The following GRK1 variants were observed in gnomAD, a reference collection of about 807,000 sequenced individuals.
GRK1 encodes rhodopsin kinase GRK1.
GRK1 carries 28 observed loss-of-function variants against 41.7 expected under a neutral mutation model. That is an observed-to-expected ratio of 0.67 (90% confidence interval 0.50 to 0.92). The LOEUF is 0.92. Ranked by LOEUF, GRK1 falls within the 40% of genes least tolerant of loss-of-function variation. The pLI is 0.00. For synonymous variants in GRK1, 327 were observed against 286.7 expected, an observed-to-expected ratio of 1.14 and a Z score of -1.42; for missense variants, 703 against 671.2, an observed-to-expected ratio of 1.05 and a Z score of -0.52.
the GRK1 span, among the ~76,000 whole-genome samples, chr13:113,657,774 G>A: frequency 6.6e-6 from 1 of 152,228 alleles, no homozygotes; most frequent in African/African-American, 2.4e-5. Context: ...GCTGACATTT[G>A]GGGCCAGTCT....
upstream of GRK1, among the ~76,000 whole-genome samples, chr13:113,666,295 G>A (rs1177609970): frequency 6.7e-6 from 1 of 149,088 alleles, no homozygotes; most frequent in African/African-American, 2.5e-5. Flanking sequence ...GTGTGTTCCA[G>A]GTGTTCCCCA....
the GRK1 span, chr13:113,650,352 G>A: frequency 5.2e-6 from 8 of 1,526,646 alleles, no homozygotes; most frequent in Admixed American, 1.3e-4. This position sits in a 1 kb window ranked among gnomAD's most constrained non-coding sequence, Gnocchi z 5.0. Flanking sequence ...CTTTCGCTAA[G>A]TGTGAGAGGA....
At position 113,671,473 on chromosome 13, in the gene GRK1, C is replaced by A; in HGVS notation, c.828-26C>A. ...TTTACTCCCCATTAAACCCGGGGTGCATGGTTCCCACGTGTCTTCCCCCAG... is the reference window on the plus strand; with the variant it reads ...TTTACTCCCCATTAAACCCGGGGTGAATGGTTCCCACGTGTCTTCCCCCAG... On this transcript the variant is annotated intron_variant, in intron 2 of 6. Transcript: ENST00000335678. This position sits in a 1 kb window ranked among gnomAD's most constrained non-coding sequence, Gnocchi z 4.1. The A allele has an allele frequency of 1.3e-6, 1 of 777,820 alleles. No individual in the cohort carries two copies. The highest frequency in any genetic ancestry group is 2.4e-6 in the Non-Finnish European group (1 of 417,900). The allele number at this position is 777,820 out of a possible 1,614,324, so 48.2% of individuals were successfully genotyped here. A position where few individuals can be genotyped will look rare whatever the true frequency, so the allele number is the denominator to read the frequency against.
upstream of GRK1, among the ~76,000 whole-genome samples, chr13:113,664,929 G>A (rs577283706): frequency 1.1e-4 from 17 of 152,342 alleles, no homozygotes; most frequent in African/African-American, 3.8e-4. This position sits in a 1 kb window ranked among gnomAD's most constrained non-coding sequence, Gnocchi z 5.4. Flanking sequence ...GGCTGGGCCC[G>A]TGCAGGGCTC....
chr13:113,659,290 G>A, the GRK1 span, among the ~76,000 whole-genome samples: 3 of 152,236 alleles, frequency 2.0e-5, no homozygotes, highest in Non-Finnish European at 4.4e-5. Context: ...AGGTTGATGG[G>A]AATGCAGGGC....
chr13:113,658,040 G>T, the GRK1 span: 1 of 1,601,384 alleles, frequency 6.2e-7, no homozygotes, highest in South Asian at 1.1e-5. Flanking sequence ...TACCCCACCG[G>T]GACAGGGTGC....
chr13:113,650,134 G>T, the GRK1 span, among the ~76,000 whole-genome samples: 7 of 151,084 alleles, frequency 4.6e-5, no homozygotes. The surrounding 1 kb of genome is among the most constrained non-coding windows in gnomAD (Gnocchi z 5.0). Flanking sequence ...TTGCATTGCT[G>T]CAATCCACCC....
chr13:113,672,312 C>T (rs903966668), intron 3 of GRK1, among the ~76,000 whole-genome samples: 5 of 103,590 alleles, frequency 4.8e-5, no homozygotes, highest in African/African-American at 1.5e-4. Flanking sequence ...GCTGGGGCCT[C>T]GTGGTCACTT....
At chr13:113,657,166 G>A in the GRK1 span, among the ~76,000 whole-genome samples, 24 of 152,162 alleles carry the variant, frequency 1.6e-4, no homozygotes, top group Non-Finnish European at 3.2e-4. Context: ...ACACACAGGT[G>A]GGGCGGGCCT....
upstream of GRK1, among the ~76,000 whole-genome samples, chr13:113,663,755 C>G (rs996690807): frequency 2.0e-5 from 3 of 152,182 alleles, no homozygotes; most frequent in Non-Finnish European, 4.4e-5. Context: ...AGGGAATACT[C>G]CACACCTACC....
rs2049858497 is a variant in GRK1 at position 113,671,640 on chromosome 13, G to A, written c.969G>A (p.Val323=). The part of the protein sequence containing the change: ...IVYRDLKPEN[V]LLDNDGNVRI... ...ACCGCGACCTCAAGCCCGAGAACGT[G>A]CTGCTGGACAATGACGGTAGGAGGT... Residue 323 remains valine (V), a synonymous_variant, in exon 3 of 7, where the codon GTG becomes GTA. Transcript: ENST00000335678. This position sits in a 1 kb window ranked among gnomAD's most constrained non-coding sequence, Gnocchi z 4.1. 2.6e-6 allele frequency: 2 copies of A among 765,694 alleles called. No homozygotes were observed. Among genetic ancestry groups the A allele is most frequent in the Admixed American group, 3.4e-5 (2 of 58,386 alleles). 47.4% of individuals were successfully genotyped at this position (765,694 alleles called of 1,614,324 possible).
rs1332710381 is a variant in GRK1, at chr13:113,731,648, C to T, written c.1194+305C>T. Among the ~76,000 whole-genome samples the T allele has an allele frequency of 1.3e-5, 2 of 152,188 alleles. No homozygotes were observed. The highest frequency in any genetic ancestry group is 2.9e-5 in the Non-Finnish European group (2 of 68,034). On this transcript the variant is annotated intron_variant, in intron 5 of 6. Transcript: ENST00000335678. The surrounding 1 kb of genome is among the most constrained non-coding windows in gnomAD (Gnocchi z 5.6). ...CACGCCACCACTCAGCCTCTGAGGG[C>T]CCTGTGGGGGCCGGTCCCTCTGGTG...
the GRK1 span, among the ~76,000 whole-genome samples, chr13:113,659,925 T>C: frequency 2.0e-5 from 3 of 152,208 alleles, no homozygotes; most frequent in Non-Finnish European, 4.4e-5. Flanking sequence ...GTGAAGGGTA[T>C]AGATGCTCTT....
the GRK1 span, chr13:113,653,416 T>G: frequency 6.2e-7 from 1 of 1,614,232 alleles, no homozygotes; most frequent in Non-Finnish European, 8.5e-7. Flanking sequence ...CCCGTAAACA[T>G]CCGGCCTTAA....
chr13:113,661,716 CTACA>C, the GRK1 span, among the ~76,000 whole-genome samples: 8 of 152,166 alleles, frequency 5.3e-5, no homozygotes, highest in Admixed American at 3.3e-4. Flanking sequence ...TTGCGCAATT[CTACA>C]TACATAAACT....
chr13:113,664,620 C>T (rs915969743), upstream of GRK1, among the ~76,000 whole-genome samples: 10 of 152,298 alleles, frequency 6.6e-5, no homozygotes, highest in South Asian at 2.1e-4. The surrounding 1 kb of genome is among the most constrained non-coding windows in gnomAD (Gnocchi z 5.4). Context: ...GCAGGTGGAA[C>T]GGCCCCCAGT....
the GRK1 span, among the ~76,000 whole-genome samples, chr13:113,656,631 C>T: frequency 2.0e-5 from 3 of 152,214 alleles, no homozygotes; most frequent in Non-Finnish European, 4.4e-5. Context: ...CACTCTGCCT[C>T]TCCTGCACCT....
At chr13:113,664,613 G>A (rs914448846), upstream of GRK1, among the ~76,000 whole-genome samples, 1 of 152,160 alleles carries the variant, frequency 6.6e-6, no homozygotes, top group Non-Finnish European at 1.5e-5. This position sits in a 1 kb window ranked among gnomAD's most constrained non-coding sequence, Gnocchi z 5.4. Flanking sequence ...CATGACTGCA[G>A]GTGGAACGGC....
the GRK1 span, chr13:113,653,450 T>C: frequency 6.2e-7 from 1 of 1,604,704 alleles, no homozygotes; most frequent in Non-Finnish European, 8.5e-7. Flanking sequence ...GAGAGAGACC[T>C]TTGTGCTTAG....
Sources: gnomAD v4.1 joint callset for allele counts (sites outside exome capture counted in the v4.1 genomes callset) on GRCh38, gnomAD v4.1.1 for gene constraint, Gnocchi (gnomAD v3.1) non-coding constraint, MANE v1.5 for transcripts, NCBI Gene and HGNC (gene_info 2026-07-23, HGNC 2026-07-21) for gene names.